GALNT18: variants seen among roughly 807,000 people sequenced by gnomAD.
GALNT18 encodes polypeptide N-acetylgalactosaminyltransferase 18.
Under a neutral mutation model 69.5 loss-of-function variants are expected in GALNT18, and 44 were observed. That is an observed-to-expected ratio of 0.63 (90% CI 0.50 to 0.81). The LOEUF is 0.81. Among genes scored for constraint, GALNT18 ranks in the 40% least tolerant of loss-of-function variants. The probability of loss-of-function intolerance (pLI) is 0.00; values close to 1 mark genes in which losing one functional copy is unlikely to be tolerated. For missense variants in GALNT18, 715 were observed against 810.0 expected, an observed-to-expected ratio of 0.88 and a Z score of 1.42; for synonymous variants, 364 against 318.2, an observed-to-expected ratio of 1.14 and a Z score of -1.53.
chr11:11,514,478 G>A (rs902326224), intron 1 of GALNT18, among the ~76,000 whole-genome samples: 4 of 152,196 alleles, frequency 2.6e-5, no homozygotes, highest in African/African-American at 7.2e-5. Context: ...TGGCATCTCT[G>A]AGCGTGAATA....
intron 6 of GALNT18, among the ~76,000 whole-genome samples, chr11:11,342,491 T>A (rs1850226342): frequency 6.6e-6 from 1 of 152,180 alleles, no homozygotes; most frequent in South Asian, 2.1e-4. Flanking sequence ...TTTCCCTGTG[T>A]TAGTTAGGAA....
At position 11,606,201 on chromosome 11, in the gene GALNT18, G is replaced by A. The variant is rs1859750612; in HGVS notation, c.235+15158C>T. On this transcript the variant is annotated intron_variant, in intron 1 of 10. Transcript: ENST00000227756. The surrounding 1 kb of genome is among the most constrained non-coding windows in gnomAD (Gnocchi z 5.4). ...TTAGGCAGCTGGTTTATTTATTCATGTGTTTACTCAGCAAACTCCTACCTA... is the reference window on the plus strand; with the variant it reads ...TTAGGCAGCTGGTTTATTTATTCATATGTTTACTCAGCAAACTCCTACCTA... Among the ~76,000 whole-genome samples, 1 of 152,144 alleles carries A rather than the reference G, an allele frequency of 6.6e-6. No individual in the cohort carries two copies. Among genetic ancestry groups the A allele is most frequent in the Non-Finnish European group, 1.5e-5 (1 of 68,036 alleles).
chr11:11,271,152 C>CGAGGCTCCTCAGGACGT lies in GALNT18; in HGVS notation c.1799_1815dup (p.Ala606ThrfsTer3). 1 of 1,611,334 alleles carries CGAGGCTCCTCAGGACGT rather than the reference C, an allele frequency of 6.2e-7. No individual in the cohort carries two copies. The highest frequency in any genetic ancestry group is 8.5e-7 in the Non-Finnish European group (1 of 1,177,780). On this transcript the variant is annotated stop_gained and frameshift_variant, in exon 11 of 11. Coordinates refer to ENST00000227756, the MANE Select transcript of GALNT18 (RefSeq NM_198516.3). LOFTEE classifies it high-confidence loss of function. ...GAAGTGGCCCCGGTGGGTCAGGACG[C>CGAGGCTCCTCAGGACGT]GAGGCTCCTCAGGACGTTGGTGATG...
intron 1 of GALNT18, among the ~76,000 whole-genome samples, chr11:11,597,102 T>G (rs1489479167): frequency 1.3e-5 from 2 of 152,222 alleles, no homozygotes; most frequent in Non-Finnish European, 2.9e-5. Flanking sequence ...TAACACTAAT[T>G]TTTAGATGTT....
At chr11:11,416,317 T>C (rs1854855540) in intron 3 of GALNT18, among the ~76,000 whole-genome samples, 2 of 152,186 alleles carry the variant, frequency 1.3e-5, no homozygotes, top group Admixed American at 6.5e-5. Context: ...TCCTTCCCAC[T>C]GTCTGATGGA....
chr11:11,286,094 G>T (rs1052278246), intron 10 of GALNT18, among the ~76,000 whole-genome samples: 6 of 152,112 alleles, frequency 3.9e-5, no homozygotes, highest in Non-Finnish European at 7.3e-5. Flanking sequence ...CTGGGGTGTG[G>T]TGTCTGCCCT....
At chr11:11,547,295 G>A (rs1235201974) in intron 1 of GALNT18, among the ~76,000 whole-genome samples, 8 of 152,120 alleles carry the variant, frequency 5.3e-5, no homozygotes, top group African/African-American at 1.9e-4. Context: ...TGAAGGGTGG[G>A]GGTGGAGGCA....
At chr11:11,434,915 G>C (rs982353290) in intron 2 of GALNT18, among the ~76,000 whole-genome samples, 1 of 152,210 alleles carries the variant, frequency 6.6e-6, no homozygotes, top group African/African-American at 2.4e-5. Context: ...TATTTATGGA[G>C]ATCAAGACCA....
At chr11:11,306,202 T>A (rs1849574882) in intron 9 of GALNT18, among the ~76,000 whole-genome samples, 1 of 91,386 alleles carries the variant, frequency 1.1e-5, no homozygotes, top group Non-Finnish European at 2.7e-5. Context: ...AGTGGTGGAA[T>A]GTGTGTGTGT....
At chr11:11,417,230 AC>A (rs1397319575) in intron 3 of GALNT18, among the ~76,000 whole-genome samples, 4 of 152,204 alleles carry the variant, frequency 2.6e-5, no homozygotes, top group Non-Finnish European at 5.9e-5. Context: ...GTGGAACTAA[AC>A]CATATAGCCA....
In GALNT18 at chr11:11,387,049, A is replaced by G. The variant is rs1219171488; in HGVS notation, c.596-7785T>C. Among the ~76,000 whole-genome samples the G allele has an allele frequency of 6.6e-6, 1 of 152,244 alleles. No homozygotes were observed. The highest frequency in any genetic ancestry group is 1.5e-5 in the Non-Finnish European group (1 of 68,046). On this transcript the variant is annotated intron_variant, in intron 3 of 10. Coordinates refer to ENST00000227756, the MANE Select transcript of GALNT18 (RefSeq NM_198516.3). This position sits in a 1 kb window ranked among gnomAD's most constrained non-coding sequence, Gnocchi z 4.6. ...CAACTGAAATACAAAGGTGGGCTTTATAACGGAGTACAAAAAGGCACCTCC... is the reference window on the plus strand; with the variant it reads ...CAACTGAAATACAAAGGTGGGCTTTGTAACGGAGTACAAAAAGGCACCTCC...
chr11:11,522,405 A>AGAGGGAAG (rs1021210265), intron 1 of GALNT18, among the ~76,000 whole-genome samples: 1 of 152,168 alleles, frequency 6.6e-6, no homozygotes, highest in Non-Finnish European at 1.5e-5. Context: ...TCCTCCCATC[A>AGAGGGAAG]GAGGGAAGGA....
At chr11:11,282,458 G>A (rs995916896) in intron 10 of GALNT18, among the ~76,000 whole-genome samples, 1 of 152,224 alleles carries the variant, frequency 6.6e-6, no homozygotes, top group Non-Finnish European at 1.5e-5. Context: ...CATTTTACAG[G>A]CTTGGAGACT....
At chr11:11,345,886 T>G in intron 6 of GALNT18, among the ~76,000 whole-genome samples, 1 of 152,094 alleles carries the variant, frequency 6.6e-6, no homozygotes, top group East Asian at 1.9e-4. Context: ...CATACGATGG[T>G]GAGGGCATGT....
chr11:11,533,071 G>T (rs932848555), intron 1 of GALNT18, among the ~76,000 whole-genome samples: 2 of 152,024 alleles, frequency 1.3e-5, no homozygotes, highest in African/African-American at 4.8e-5. Context: ...CCAGTGCATT[G>T]CCCTGCCCAC....
chr11:11,272,382 A>G (rs61326654), intron 10 of GALNT18, among the ~76,000 whole-genome samples: 25,866 of 152,028 alleles, frequency 0.17, 2,542 homozygotes, highest in South Asian at 0.25. Flanking sequence ...TCAGCTCCCT[A>G]ATGGATCTCC....
At chr11:11,274,851 G>T (rs1026976976) in intron 10 of GALNT18, among the ~76,000 whole-genome samples, 3 of 152,124 alleles carry the variant, frequency 2.0e-5, no homozygotes, top group African/African-American at 7.2e-5. Flanking sequence ...GAGGATGATG[G>T]TTTCCAGCTT....
rs150922380 is a variant in GALNT18 at position 11,506,562 on chromosome 11, G to C, written c.236-57626C>G. On this transcript the variant is annotated intron_variant, in intron 1 of 10. Transcript: ENST00000227756. Reference sequence around the variant, plus strand: ...TCATCCCAGGCTCAGGCTTCCTGGAGTAGTGCTGGCCATGCATCAACCAGA... The same window carrying C: ...TCATCCCAGGCTCAGGCTTCCTGGACTAGTGCTGGCCATGCATCAACCAGA... 3.8e-3 allele frequency among the ~76,000 whole-genome samples: 582 copies of C among 152,326 alleles called. 4 individuals carry two copies. The highest frequency in any genetic ancestry group is 0.014 in the African/African-American group (563 of 41,576).
In GALNT18 at chr11:11,540,400, G is replaced by T. The variant is rs1260592540; in HGVS notation, c.235+80959C>A. Among the ~76,000 whole-genome samples, 2 of 152,104 alleles carry T rather than the reference G, an allele frequency of 1.3e-5. No homozygotes were observed. Among genetic ancestry groups the T allele is most frequent in the Non-Finnish European group, 2.9e-5 (2 of 68,016 alleles). On this transcript the variant is annotated intron_variant, in intron 1 of 10. Coordinates refer to ENST00000227756, the MANE Select transcript of GALNT18 (RefSeq NM_198516.3). This position sits in a 1 kb window ranked among gnomAD's most constrained non-coding sequence, Gnocchi z 4.6. The stretch of plus-strand genomic sequence containing the variant: ...GCCCTGGGTGGTTTGGGTTTGTTTT[G>T]TCCATACCCACACCGTGTGTACTGA...
Sources: allele counts gnomAD v4.1 joint callset (sites outside exome capture counted in the v4.1 genomes callset), GRCh38; gene constraint gnomAD v4.1.1; non-coding constraint Gnocchi (gnomAD v3.1); transcripts MANE v1.5; gene names NCBI Gene and HGNC (gene_info 2026-07-23, HGNC 2026-07-21).